The following KIAA1549L variants were observed in gnomAD, a reference collection of about 807,000 sequenced individuals.
The protein encoded by KIAA1549L is UPF0606 protein KIAA1549L.
KIAA1549L carries 88 observed loss-of-function variants against 160.7 expected under a neutral mutation model. That is an observed-to-expected ratio of 0.55 (90% confidence interval 0.46 to 0.65). The LOEUF is 0.65. Ranked by LOEUF, KIAA1549L falls within the 30% of genes least tolerant of loss-of-function variation. The probability of loss-of-function intolerance (pLI) is 0.00; values close to 1 mark genes in which losing one functional copy is unlikely to be tolerated. For missense variants in KIAA1549L, 2,258 were observed against 2,437.5 expected, an observed-to-expected ratio of 0.93 and a Z score of 1.55; for synonymous variants, 950 against 976.7, an observed-to-expected ratio of 0.97 and a Z score of 0.51.
chr11:33,573,891 G>T (rs1164381312), intron 9 of KIAA1549L, among the ~76,000 whole-genome samples: 1 of 152,100 alleles, frequency 6.6e-6, no homozygotes, highest in Non-Finnish European at 1.5e-5. Context: ...CTTAATAAAG[G>T]ATTGTTTAAA....
intron 1 of KIAA1549L, among the ~76,000 whole-genome samples, chr11:33,396,910 A>G (rs1254828620): frequency 6.6e-6 from 1 of 150,736 alleles, no homozygotes; most frequent in Non-Finnish European, 1.5e-5. Context: ...AGGTTGCGCC[A>G]TTGCACTCCA....
chr11:33,557,144 T>C (rs1173300173), intron 6 of KIAA1549L, among the ~76,000 whole-genome samples: 3 of 152,124 alleles, frequency 2.0e-5, no homozygotes, highest in African/African-American at 7.2e-5. Flanking sequence ...TGCAACATCA[T>C]GCTTGGCAAT....
At chr11:33,427,345 C>T (rs1025697759) in intron 1 of KIAA1549L, among the ~76,000 whole-genome samples, 26 of 152,278 alleles carry the variant, frequency 1.7e-4, no homozygotes, top group African/African-American at 6.0e-4. Context: ...TCTCTGATCC[C>T]TTTGTGGGAG....
In KIAA1549L at chr11:33,559,769, C is replaced by T. The variant is rs765959298; in HGVS notation, c.3876C>T (p.Ala1292=). The T allele has an allele frequency of 9.3e-6, 15 of 1,613,956 alleles. No individual in the cohort carries two copies. In the South Asian group the frequency reaches 1.3e-4, roughly 14 times the overall value. Residue 1292 remains alanine (A), a synonymous_variant, in exon 7 of 21, where the codon GCC becomes GCT. Transcript: ENST00000658780. ...LTIQIVSTSN[A]SQAVTLVYVV... ...TTCAGATTGTGAGCACGTCCAATGC[C>T]TCCCAGGCAGTCACCTTGGTGTACG...
chr11:33,475,721 G>A (rs944103408), intron 1 of KIAA1549L, among the ~76,000 whole-genome samples: 1 of 151,208 alleles, frequency 6.6e-6, no homozygotes, highest in Non-Finnish European at 1.5e-5. Context: ...TTAGCTAGAC[G>A]TGGTGCACAT....
At chr11:33,598,171 A>G (rs1024276671) in intron 12 of KIAA1549L, among the ~76,000 whole-genome samples, 1 of 148,456 alleles carries the variant, frequency 6.7e-6, no homozygotes, top group Non-Finnish European at 1.5e-5. Context: ...CCACAGTTAG[A>G]GAGTTAGAGA....
In KIAA1549L at chr11:33,658,863, T is replaced by C; in HGVS notation, c.5972T>C (p.Val1991Ala). 3.2e-6 allele frequency: 5 copies of C among 1,561,204 alleles called. No homozygotes were observed. The highest frequency in any genetic ancestry group is 4.3e-6 in the Non-Finnish European group (5 of 1,152,764). Reference sequence around the variant, plus strand: ...CAGATGTCCAGAGGCCCTGTGTCCGTGACGCAGTTGGATCAGTCGGCTTTA... The same window carrying C: ...CAGATGTCCAGAGGCCCTGTGTCCGCGACGCAGTTGGATCAGTCGGCTTTA... ...FTQMSRGPVS[V>A]TQLDQSALNY... Residue 1991 changes from valine (V) to alanine (A), a missense_variant, in exon 19 of 21, where the codon GTG becomes GCG. Coordinates refer to ENST00000658780, the MANE Select transcript of KIAA1549L (RefSeq NM_012194.3).
rs774808801 is a variant in KIAA1549L, at chr11:33,561,660, T to C, written c.4019-16T>C. Reference sequence around the variant, plus strand: ...AACCTATAAAAGTAATTGGGTATGTTTCTTATTTGTTTTAGCACTGGAATA... The same window carrying C: ...AACCTATAAAAGTAATTGGGTATGTCTCTTATTTGTTTTAGCACTGGAATA... On this transcript the variant is annotated splice_polypyrimidine_tract_variant and intron_variant, in intron 7 of 20. Transcript: ENST00000658780. 2.5e-6 allele frequency: 4 copies of C among 1,583,510 alleles called. No individual in the cohort carries two copies. The South Asian group carries it at 4.4e-5, about 18-fold the overall frequency.
At chr11:33,628,597 A>G (rs1590413579) in intron 16 of KIAA1549L, among the ~76,000 whole-genome samples, 1 of 146,794 alleles carries the variant, frequency 6.8e-6, no homozygotes, top group South Asian at 2.3e-4. Context: ...ATCAGAGACT[A>G]GGATTGCAAC....
At position 33,649,345 on chromosome 11, in the gene KIAA1549L, A is replaced by G. The variant is rs1242696071; in HGVS notation, c.5760+3309A>G. The stretch of plus-strand genomic sequence containing the variant: ...AATGAGATCCTGTCTCTACGGGGGA[A>G]AAAAAAAAAAAAAAAAAAAATTGGC... On this transcript the variant is annotated intron_variant, in intron 17 of 20. Transcript: ENST00000658780. 5.2e-5 allele frequency among the ~76,000 whole-genome samples: 7 copies of G among 135,446 alleles called. No homozygotes were observed. In the East Asian group the frequency reaches 8.1e-4, roughly 16 times the overall value. 88.9% of individuals were successfully genotyped at this position (135,446 alleles called of 152,430 possible). A position where few individuals can be genotyped will look rare whatever the true frequency, so the allele number is the denominator to read the frequency against.
At chr11:33,407,252 T>G (rs145674452) in intron 1 of KIAA1549L, among the ~76,000 whole-genome samples, 3,208 of 151,282 alleles carry the variant, frequency 0.021, 96 homozygotes, top group African/African-American at 0.068. Context: ...GCCCGGCTAA[T>G]TTTTTGTATT....
intron 1 of KIAA1549L, among the ~76,000 whole-genome samples, chr11:33,539,150 T>C (rs941630983): frequency 6.6e-6 from 1 of 152,248 alleles, no homozygotes; most frequent in Admixed American, 6.5e-5. Context: ...ATGTGGATCA[T>C]TGAGCATTTT....
intron 16 of KIAA1549L, among the ~76,000 whole-genome samples, chr11:33,639,389 A>T (rs1158133652): frequency 6.6e-6 from 1 of 152,148 alleles, no homozygotes; most frequent in East Asian, 1.9e-4. Context: ...AATGGCTTAA[A>T]TCTCTTCTAA....
chr11:33,569,341 T>C (rs533303585), intron 9 of KIAA1549L, among the ~76,000 whole-genome samples: 3 of 152,320 alleles, frequency 2.0e-5, no homozygotes, highest in African/African-American at 7.2e-5. Context: ...CTGTTGAGCA[T>C]GATGTCAAAT....
intron 1 of KIAA1549L, among the ~76,000 whole-genome samples, chr11:33,398,171 C>T (rs1483997775): frequency 6.6e-6 from 1 of 151,798 alleles, no homozygotes; most frequent in East Asian, 1.9e-4. Context: ...ATCTGCCTGC[C>T]TCAGCCTCCC....
intron 16 of KIAA1549L, among the ~76,000 whole-genome samples, chr11:33,619,724 A>G (rs974375785): frequency 6.6e-6 from 1 of 152,176 alleles, no homozygotes; most frequent in African/African-American, 2.4e-5. Context: ...TTCATAAAAC[A>G]GTTTGGTAGT....
chr11:33,413,439 A>T (rs76920311), intron 1 of KIAA1549L, among the ~76,000 whole-genome samples: 3 of 13,476 alleles, frequency 2.2e-4, no homozygotes, highest in South Asian at 2.5e-3. Flanking sequence ...CCCTGTCTTT[A>T]AAAAAAAAAA....
chr11:33,463,558 G>T (rs1851985321), intron 1 of KIAA1549L, among the ~76,000 whole-genome samples: 1 of 152,178 alleles, frequency 6.6e-6, no homozygotes, highest in Non-Finnish European at 1.5e-5. Context: ...ATTCTCTGTT[G>T]TTGAGGCAAA....
intron 1 of KIAA1549L, among the ~76,000 whole-genome samples, chr11:33,435,796 A>G (rs770314030): frequency 0.5 from 17,455 of 34,592 alleles, 4,153 homozygotes; most frequent in East Asian, 0.69. Context: ...ATATATATAT[A>G]TATATATATA....
Sources: allele counts gnomAD v4.1 joint callset (sites outside exome capture counted in the v4.1 genomes callset), GRCh38; gene constraint gnomAD v4.1.1; transcripts MANE v1.5; gene names NCBI Gene and HGNC (gene_info 2026-07-23, HGNC 2026-07-21).